The following FSD1L variants were observed in gnomAD, a reference collection of about 807,000 sequenced individuals.
The protein encoded by FSD1L is fibronectin type III and SPRY domain containing 1 like.
In FSD1L, 45 loss-of-function variants were observed where a neutral mutation model predicts 71.6. The observed-to-expected ratio is 0.63, with a 90% CI of 0.49 to 0.81. The LOEUF is 0.81. Among genes scored for constraint, FSD1L ranks in the 30% least tolerant of loss-of-function variants. The probability of loss-of-function intolerance (pLI) is 0.00; values close to 1 mark genes in which losing one functional copy is unlikely to be tolerated. For missense variants in FSD1L, 561 were observed against 618.1 expected (o/e 0.91, Z 0.98); for synonymous variants, 197 against 207.2 (o/e 0.95, Z 0.42).
At chr9:105,468,035 T>C (rs866471868) in intron 3 of FSD1L, among the ~76,000 whole-genome samples, 158 bp from the exon 4 acceptor site, 2 of 152,230 alleles carry the variant, frequency 1.3e-5, no homozygotes, top group Non-Finnish European at 2.9e-5. Flanking sequence ...CATTTATCTC[T>C]TTTTAAAGCC....
At chr9:105,526,325 C>G (rs943621250) in intron 10 of FSD1L, 141 of 1,611,066 alleles carry the variant, frequency 8.8e-5, no homozygotes, top group Non-Finnish European at 1.1e-4. Context: ...TCTCCAGCTC[C>G]CTACCACCAT....
chr9:105,492,759 C>G (rs777444291), intron 7 of FSD1L, among the ~76,000 whole-genome samples: 1 of 151,988 alleles, frequency 6.6e-6, no homozygotes, highest in Non-Finnish European at 1.5e-5. Flanking sequence ...TGTTATGTAC[C>G]CAGTAGTCAT....
At chr9:105,517,173 A>T (rs1564132096) in intron 10 of FSD1L, among the ~76,000 whole-genome samples, 1 of 152,240 alleles carries the variant, frequency 6.6e-6, no homozygotes, top group African/African-American at 2.4e-5. Context: ...ATATGGGACT[A>T]TGTGAAAAGA....
rs1470960044 is a variant in FSD1L at position 105,480,481 on chromosome 9, A to G, written c.464+1105A>G. ...TAATTTTTGTATTTTTTGTAGAAAC[A>G]GGGTCTTGCTATTTTGCCCAGGCTG... On this transcript the variant is annotated intron_variant, in intron 6 of 13. Transcript: ENST00000481272. Among the ~76,000 whole-genome samples, 5 of 152,120 alleles carry G rather than the reference A, an allele frequency of 3.3e-5. No individual in the cohort carries two copies. In the South Asian group the frequency reaches 8.3e-4, roughly 25 times the overall value.
chr9:105,500,304 A>G (rs1158426205), intron 7 of FSD1L, among the ~76,000 whole-genome samples: 1 of 152,218 alleles, frequency 6.6e-6, no homozygotes, highest in Non-Finnish European at 1.5e-5. Flanking sequence ...CTGTAGCACC[A>G]TAATTAGGTC....
intron 7 of FSD1L, among the ~76,000 whole-genome samples, chr9:105,496,191 G>C (rs1833388364): frequency 6.9e-6 from 1 of 144,160 alleles, no homozygotes; most frequent in South Asian, 2.2e-4. Context: ...ACCAGGTCTT[G>C]ATGACTGTAG....
chr9:105,537,454 A>C (rs1250204093), intron 12 of FSD1L, among the ~76,000 whole-genome samples: 1 of 151,970 alleles, frequency 6.6e-6, no homozygotes, highest in Non-Finnish European at 1.5e-5. Flanking sequence ...TTTTTCAACT[A>C]CCAAGACAAC....
intron 7 of FSD1L, among the ~76,000 whole-genome samples, chr9:105,501,273 T>A (rs1285432051): frequency 1.3e-5 from 2 of 152,192 alleles, no homozygotes; most frequent in Admixed American, 6.5e-5. Context: ...ATGGTAGTTA[T>A]ATGATAGTTA....
Position 105,483,996 on chromosome 9 carries a change from A to C in FSD1L, c.465-385A>C, listed in dbSNP as rs545806547. 8.5e-5 allele frequency among the ~76,000 whole-genome samples: 13 copies of C among 152,296 alleles called. No homozygotes were observed. In the South Asian group the frequency reaches 2.7e-3, roughly 32 times the overall value. ...ATTCAAATGAATATAAATGAATTTA[A>C]GTTCATTATCTGGCATATGAAAAGG... On this transcript the variant is annotated intron_variant, in intron 6 of 13. Coordinates refer to ENST00000481272, the MANE Select transcript of FSD1L (RefSeq NM_001145313.3).
intron 7 of FSD1L, among the ~76,000 whole-genome samples, chr9:105,495,638 T>C (rs1833330028): frequency 6.6e-6 from 1 of 152,208 alleles, no homozygotes; most frequent in African/African-American, 2.4e-5. Flanking sequence ...TATTCGGCCA[T>C]CTTGGCTCCA....
intron 10 of FSD1L, chr9:105,523,012 A>G (rs113937235): frequency 1.2e-6 from 2 of 1,614,142 alleles, no homozygotes; most frequent in Non-Finnish European, 1.7e-6. Flanking sequence ...TTCCAATATG[A>G]TGGCCAAAAA....
chr9:105,544,177 TG>T (rs1236740110), intron 13 of FSD1L, among the ~76,000 whole-genome samples: 14 of 152,380 alleles, frequency 9.2e-5, no homozygotes, highest in African/African-American at 3.4e-4. Flanking sequence ...ATTTCTCTGA[TG>T]GCCAGTGATG....
At chr9:105,494,918 G>C (rs1833248698) in intron 7 of FSD1L, among the ~76,000 whole-genome samples, 2 of 152,288 alleles carry the variant, frequency 1.3e-5, no homozygotes, top group East Asian at 3.9e-4. Flanking sequence ...CTATGGAGGG[G>C]GTGCCTCCCA....
chr9:105,488,429 AAC>A (rs1458290720), intron 7 of FSD1L, among the ~76,000 whole-genome samples: 3 of 152,194 alleles, frequency 2.0e-5, no homozygotes, highest in Non-Finnish European at 4.4e-5. Context: ...TATACACTGA[AAC>A]ACATGTTGAT....
rs551048914 is a variant in FSD1L at position 105,482,390 on chromosome 9, CAAGTT to C, written c.465-1988_465-1984del. 9.9e-5 allele frequency among the ~76,000 whole-genome samples: 15 copies of C among 152,170 alleles called. No homozygotes were observed. In the East Asian group the frequency reaches 2.3e-3, roughly 24 times the overall value. ...TGAAAGAGAGGGGTTATGAAAGAGT[CAAGTT>C]AATTAGGTAGTTTGAGGAAATGAAA... On this transcript the variant is annotated intron_variant, in intron 6 of 13. Coordinates refer to ENST00000481272, the MANE Select transcript of FSD1L (RefSeq NM_001145313.3).
chr9:105,522,123 C>T (rs1835208821), intron 10 of FSD1L: 3 of 1,613,832 alleles, frequency 1.9e-6, no homozygotes, highest in Non-Finnish European at 2.5e-6. Context: ...TTTCCAGACC[C>T]TTATAGTTGC....
intron 5 of FSD1L, among the ~76,000 whole-genome samples, chr9:105,478,347 G>A (rs978973722): frequency 6.6e-6 from 1 of 152,146 alleles, no homozygotes; most frequent in Non-Finnish European, 1.5e-5. Context: ...TAGGAACAAC[G>A]TTAGAACTGA....
chr9:105,524,463 C>T, intron 10 of FSD1L: 1 of 1,613,460 alleles, frequency 6.2e-7, no homozygotes, highest in South Asian at 1.1e-5. Flanking sequence ...GGCCTTACCT[C>T]TAAAGACACT....
chr9:105,533,613 G>C (rs1836063920), intron 10 of FSD1L, among the ~76,000 whole-genome samples: 1 of 149,158 alleles, frequency 6.7e-6, no homozygotes, highest in South Asian at 2.1e-4. Context: ...AGTAGAAACG[G>C]GGTTTCACTG....
Sources: allele counts gnomAD v4.1 joint callset (sites outside exome capture counted in the v4.1 genomes callset), GRCh38; gene constraint gnomAD v4.1.1; transcripts MANE v1.5; gene names NCBI Gene and HGNC (gene_info 2026-07-23, HGNC 2026-07-21).